FRAS1: variants seen among roughly 807,000 people sequenced by gnomAD.
The protein encoded by FRAS1 is extracellular matrix organizing protein FRAS1.
A neutral mutation model predicts 435.2 loss-of-function variants in FRAS1; 290 were observed. The ratio of observed to expected loss-of-function variants is 0.67; its 90% CI spans 0.61 to 0.73. The LOEUF (loss-of-function observed/expected upper bound fraction) is 0.73, where lower values mean the gene tolerates loss of function less well. Among genes scored for constraint, FRAS1 ranks in the 30% least tolerant of loss-of-function variants. The pLI is 0.00. For missense variants in FRAS1, 4,860 were observed against 5,001.5 expected (o/e 0.97, Z 0.85); for synonymous variants, 1,800 against 1,851.0 (o/e 0.97, Z 0.71).
chr4:78,334,679 A>G (rs1279412654), intron 19 of FRAS1, among the ~76,000 whole-genome samples: 2 of 151,876 alleles, frequency 1.3e-5, no homozygotes, highest in East Asian at 3.9e-4. Context: ...GTCATAAGCA[A>G]TTTTCTATGT....
chr4:78,194,114 G>T (rs1325812316), intron 2 of FRAS1, among the ~76,000 whole-genome samples: 1 of 152,150 alleles, frequency 6.6e-6, no homozygotes, highest in Non-Finnish European at 1.5e-5. Flanking sequence ...CTCTCTTCTG[G>T]CTTGTAGAGT....
intron 18 of FRAS1, among the ~76,000 whole-genome samples, chr4:78,328,927 A>T (rs1729823736): frequency 1.3e-5 from 2 of 152,202 alleles, no homozygotes; most frequent in African/African-American, 4.8e-5. Flanking sequence ...AAATGGGAAG[A>T]TAAAGGCATT....
intron 29 of FRAS1, 39 bp from the exon 30 acceptor site, chr4:78,400,695 T>TTTGC: frequency 6.3e-7 from 1 of 1,594,412 alleles, no homozygotes; most frequent in Non-Finnish European, 8.5e-7. Context: ...ATATTCTTAC[T>TTTGC]TTGCTTGGAA....
In FRAS1 at chr4:78,321,508, G is replaced by A. The variant is rs529344294; in HGVS notation, c.2137+2522G>A. Among the ~76,000 whole-genome samples the A allele has an allele frequency of 9.2e-5, 14 of 152,278 alleles. No homozygotes were observed. In the South Asian group the frequency reaches 2.9e-3, roughly 32 times the overall value. ...AATTTAAGAAAACATCCTTGACAAA[G>A]GGAAGGTTTCTGGGAAGCCCTTTAT... is the stretch of plus-strand genomic sequence containing the variant. On this transcript the variant is annotated intron_variant, in intron 18 of 73. Transcript: ENST00000512123.
chr4:78,342,800 A>G (rs1730443082), intron 20 of FRAS1, among the ~76,000 whole-genome samples: 1 of 152,230 alleles, frequency 6.6e-6, no homozygotes, highest in South Asian at 2.1e-4. Context: ...ATGTAGAAAG[A>G]AGATAATATC....
intron 42 of FRAS1, chr4:78,446,166 G>A (rs958118456): frequency 3.9e-5 from 39 of 1,003,880 alleles, no homozygotes; most frequent in African/African-American, 8.7e-5. Flanking sequence ...TTGCTCTACC[G>A]AGAGAGAGAC....
chr4:78,532,933 A>T (rs13121431), intron 70 of FRAS1, among the ~76,000 whole-genome samples: 76,202 of 152,124 alleles, frequency 0.5, 19,642 homozygotes, highest in Non-Finnish European at 0.57. Context: ...GAATAATGTT[A>T]CAATGAACCT....
chr4:78,513,610 C>G, intron 65 of FRAS1, 58 bp downstream of exon 65: 1 of 1,452,060 alleles, frequency 6.9e-7, no homozygotes, highest in Non-Finnish European at 9.6e-7. Flanking sequence ...AGTTGACTTT[C>G]AGGATATGCC....
intron 2 of FRAS1, among the ~76,000 whole-genome samples, chr4:78,084,488 A>T (rs543110959): frequency 6.6e-6 from 1 of 152,076 alleles, no homozygotes; most frequent in East Asian, 1.9e-4. Context: ...GGTAAGGGGG[A>T]ACTAGTTTAT....
At chr4:78,165,666 T>C (rs546433101) in intron 2 of FRAS1, among the ~76,000 whole-genome samples, 2 of 152,332 alleles carry the variant, frequency 1.3e-5, no homozygotes, top group South Asian at 4.1e-4. Flanking sequence ...GCTTGTGTGA[T>C]CTTGATTGGG....
intron 65 of FRAS1, 68 bp downstream of exon 65, chr4:78,513,620 C>A: frequency 7.1e-7 from 1 of 1,399,182 alleles, no homozygotes; most frequent in Non-Finnish European, 1.0e-6. Flanking sequence ...CAGGATATGC[C>A]AGAGTGAGAA....
Position 78,540,781 on chromosome 4 carries a change from T to C in FRAS1, c.11696T>C (p.Leu3899Pro), listed in dbSNP as rs774872416. ...EMQELAVAASLSQTGASIGSA... is the reference protein window; with the variant it reads ...EMQELAVAASPSQTGASIGSA... ...CAAGAGTTGGCGGTAGCTGCGTCCC[T>C]GTCACAGACTGGGGCGTCCATTGGC... Residue 3899 changes from leucine to proline, a missense_variant, in exon 74 of 74, where the codon CTG (leucine) becomes CCG (proline). Leu to Pro is a moderately conservative substitution (Grantham distance 98, BLOSUM62 -3). Coordinates refer to ENST00000512123, the MANE Select transcript of FRAS1 (RefSeq NM_025074.7). 8.1e-6 allele frequency: 13 copies of C among 1,613,790 alleles called. No homozygotes were observed. The Admixed American group carries it at 1.2e-4, about 14-fold the overall frequency.
chr4:78,418,621 A>G (rs1298571581), intron 32 of FRAS1, among the ~76,000 whole-genome samples: 2 of 152,204 alleles, frequency 1.3e-5, no homozygotes, highest in Non-Finnish European at 1.5e-5. Context: ...GCCAGCTGGG[A>G]TGCCTCATTT....
chr4:78,198,412 C>T (rs1045202347), intron 2 of FRAS1, among the ~76,000 whole-genome samples: 14 of 152,126 alleles, frequency 9.2e-5, no homozygotes, highest in African/African-American at 3.4e-4. Context: ...CTTCCACTTA[C>T]TCATGCTTTC....
At chr4:78,316,062 A>G (rs893528545) in intron 16 of FRAS1, among the ~76,000 whole-genome samples, 2 of 152,224 alleles carry the variant, frequency 1.3e-5, no homozygotes, top group Admixed American at 6.5e-5. Context: ...TAACAGAATC[A>G]TTTCTTTTAT....
chr4:78,130,457 A>G (rs1221595747), intron 2 of FRAS1, among the ~76,000 whole-genome samples: 1 of 152,160 alleles, frequency 6.6e-6, no homozygotes, highest in African/African-American at 2.4e-5. Context: ...ATATTAATTG[A>G]GTCTAGTCAG....
Position 78,450,351 on chromosome 4 carries a change from C to A in FRAS1, c.6463+12C>A, listed in dbSNP as rs770300322. On this transcript the variant is annotated intron_variant, in intron 45 of 73. Transcript: ENST00000512123. Reference sequence around the variant, plus strand: ...AGACATTAGCCAAGGTCAGCCAGTTCTCTTCTGCCTACCAGGCTTCCGTGG... The same window carrying A: ...AGACATTAGCCAAGGTCAGCCAGTTATCTTCTGCCTACCAGGCTTCCGTGG... 6.2e-7 allele frequency: 1 copy of A among 1,612,254 alleles called. No individual in the cohort carries two copies.
intron 69 of FRAS1, 130 bp from the exon 70 acceptor site, chr4:78,526,411 C>T (rs949270304): frequency 1.7e-6 from 1 of 594,804 alleles, no homozygotes. Context: ...TGTTTGCAGA[C>T]TTGTAAAGTT....
chr4:78,116,908 G>A (rs1446059685), intron 2 of FRAS1, among the ~76,000 whole-genome samples: 1 of 152,200 alleles, frequency 6.6e-6, no homozygotes, highest in Non-Finnish European at 1.5e-5. Context: ...ATTAGTTGAT[G>A]CAGTTTCTTC....
Sources: allele counts gnomAD v4.1 joint callset (sites outside exome capture counted in the v4.1 genomes callset), GRCh38; gene constraint gnomAD v4.1.1; transcripts MANE v1.5; gene names NCBI Gene and HGNC (gene_info 2026-07-23, HGNC 2026-07-21).